CACNA1B: variants seen among roughly 807,000 people sequenced by gnomAD.
The protein encoded by CACNA1B is voltage-dependent N-type calcium channel subunit alpha-1B.
A neutral mutation model predicts 247.2 loss-of-function variants in CACNA1B; 70 were observed. That is an observed-to-expected ratio of 0.28 (90% CI 0.23 to 0.35). CACNA1B has a LOEUF of 0.35. Ranked by LOEUF, CACNA1B falls within the 10% of genes least tolerant of loss-of-function variation. The pLI is 1.00. For synonymous variants in CACNA1B, 1,231 were observed against 1,294.4 expected (o/e 0.95, Z 1.05); for missense variants, 2,367 against 3,197.4 (o/e 0.74, Z 6.26).
intron 6 of CACNA1B, among the ~76,000 whole-genome samples, chr9:137,923,589 A>G (rs543378236): frequency 3.2e-4 from 49 of 152,290 alleles, no homozygotes; most frequent in African/African-American, 1.1e-3. Flanking sequence ...GAAGCTTCCA[A>G]TTTGGGGTTA....
chr9:138,088,838 G>T (rs1390639517), intron 36 of CACNA1B, among the ~76,000 whole-genome samples: 1 of 151,020 alleles, frequency 6.6e-6, no homozygotes, highest in Non-Finnish European at 1.5e-5. Context: ...GCACGCCTGT[G>T]GTCCCAAGTA....
chr9:137,922,394 C>T (rs536058209), intron 6 of CACNA1B, among the ~76,000 whole-genome samples: 2 of 151,504 alleles, frequency 1.3e-5, no homozygotes, highest in Non-Finnish European at 2.9e-5. Context: ...CAACACCACA[C>T]CACACAGCAT....
chr9:137,928,568 TCTGGGCTTAGA>T (rs1364509800), intron 6 of CACNA1B, among the ~76,000 whole-genome samples: 1 of 152,240 alleles, frequency 6.6e-6, no homozygotes, highest in Non-Finnish European at 1.5e-5. Flanking sequence ...TGTGAAACTC[TCTGGGCTTAGA>T]AATTTCTTTT....
At chr9:138,084,609 A>T (rs1426123934) in intron 36 of CACNA1B, among the ~76,000 whole-genome samples, 1 of 151,322 alleles carries the variant, frequency 6.6e-6, no homozygotes, top group Non-Finnish European at 1.5e-5. Flanking sequence ...GGAAGAGGTG[A>T]TTTGTTTTAC....
rs1959415456 is a variant in CACNA1B at position 138,054,373 on chromosome 9, T to C, written c.3968+367T>C. ...CTGTAAGGTCAGAGGGGCTGCCCGA[T>C]GGCTGGAGCTGCTGTCACTGTCCAC... On this transcript the variant is annotated intron_variant, in intron 26 of 46. Coordinates refer to ENST00000371372, the MANE Select transcript of CACNA1B (RefSeq NM_000718.4). This position sits in a 1 kb window ranked among gnomAD's most constrained non-coding sequence, Gnocchi z 4.6. Among the ~76,000 whole-genome samples the C allele has an allele frequency of 6.6e-6, 1 of 152,222 alleles. No individual in the cohort carries two copies. Among genetic ancestry groups the C allele is most frequent in the East Asian group, 1.9e-4 (1 of 5,196 alleles).
intron 31 of CACNA1B, among the ~76,000 whole-genome samples, chr9:138,064,974 G>C (rs1398067655): frequency 6.6e-6 from 1 of 152,220 alleles, no homozygotes; most frequent in East Asian, 1.9e-4. Flanking sequence ...TTTCTAGCAT[G>C]CCTACCTCTC....
At chr9:137,953,591 A>G (rs867804685) in intron 7 of CACNA1B, among the ~76,000 whole-genome samples, 40 of 152,180 alleles carry the variant, frequency 2.6e-4, no homozygotes, top group Admixed American at 2.2e-3. Context: ...TAGAACTCCT[A>G]GCCTGGCGGG....
chr9:138,024,955 G>T lies in CACNA1B; in HGVS notation c.3069G>T (p.Arg1023=). 1 of 1,569,480 alleles carries T rather than the reference G, an allele frequency of 6.4e-7. No homozygotes were observed. Among genetic ancestry groups the T allele is most frequent in the African/African-American group, 1.4e-5 (1 of 73,966 alleles). The stretch of plus-strand genomic sequence containing the variant: ...GCCTGATGTACATTCTTGATTGCAG[G>T]GAGCCACACTGTGACCTGGAGACCA... The part of the protein sequence containing the change: ...KEKELRNHQP[R]EPHCDLETSG... The change falls in exon 20 of 47, where the codon CGG becomes CGT. Residue 1023 remains arginine (R), a splice_region_variant and synonymous_variant. Coordinates refer to ENST00000371372, the MANE Select transcript of CACNA1B (RefSeq NM_000718.4).
chr9:137,911,202 G>A (rs1307037836), intron 3 of CACNA1B, among the ~76,000 whole-genome samples: 3 of 152,010 alleles, frequency 2.0e-5, no homozygotes, highest in East Asian at 1.9e-4. Flanking sequence ...ATTCTATTCC[G>A]TTGATCTAGC....
chr9:137,879,435 C>G (rs963542058), intron 2 of CACNA1B, among the ~76,000 whole-genome samples: 2 of 152,222 alleles, frequency 1.3e-5, no homozygotes, highest in Non-Finnish European at 2.9e-5. Context: ...TCCTGGCTTT[C>G]GGCGCTAGAC....
At chr9:138,095,029 A>T (rs1214812103) in intron 36 of CACNA1B, among the ~76,000 whole-genome samples, 3 of 152,220 alleles carry the variant, frequency 2.0e-5, no homozygotes, top group African/African-American at 7.2e-5. Context: ...ATAAAGGATA[A>T]ATCTTCAGGA....
intron 44 of CACNA1B, among the ~76,000 whole-genome samples, chr9:138,119,781 CCT>C (rs1962014948): frequency 6.6e-6 from 1 of 152,264 alleles, no homozygotes; most frequent in South Asian, 2.1e-4. Context: ...CCTGGGAGGG[CCT>C]ACCCGTCCCA....
intron 32 of CACNA1B, 143 bp downstream of exon 32, chr9:138,069,906 T>C: frequency 1.4e-6 from 1 of 725,912 alleles, no homozygotes; most frequent in Middle Eastern, 2.3e-4. Flanking sequence ...ACCTCTGGCC[T>C]CCTGGACTTG....
At chr9:138,066,797 G>A (rs928785220) in intron 31 of CACNA1B, among the ~76,000 whole-genome samples, 1 of 152,066 alleles carries the variant, frequency 6.6e-6, no homozygotes, top group South Asian at 2.1e-4. Flanking sequence ...AGAAAACGGT[G>A]TAAAAATTAA....
In CACNA1B at chr9:138,058,754, A is replaced by G; in HGVS notation, c.4473+21A>G. 6.3e-7 allele frequency: 1 copy of G among 1,585,416 alleles called. No individual in the cohort carries two copies. Among genetic ancestry groups the G allele is most frequent in the Non-Finnish European group, 8.6e-7 (1 of 1,164,930 alleles). ...TGAAGGTGTGTGGGGCTCAGCGCAG[A>G]GGGGCAGCTGGCGCTGCTAGGGATT... On this transcript the variant is annotated intron_variant, in intron 29 of 46. Coordinates refer to ENST00000371372, the MANE Select transcript of CACNA1B (RefSeq NM_000718.4). The surrounding 1 kb of genome is among the most constrained non-coding windows in gnomAD (Gnocchi z 4.7).
chr9:137,930,014 C>T (rs1166401928), intron 6 of CACNA1B, among the ~76,000 whole-genome samples: 3 of 152,068 alleles, frequency 2.0e-5, no homozygotes, highest in Non-Finnish European at 4.4e-5. Flanking sequence ...CCAGACTGGT[C>T]TTGAACTCCT....
intron 36 of CACNA1B, among the ~76,000 whole-genome samples, chr9:138,090,701 CAAAAAA>C (rs1173964720): frequency 1.2e-4 from 2 of 16,594 alleles, no homozygotes; most frequent in Non-Finnish European, 1.8e-4. Context: ...AACCCATCAG[CAAAAAA>C]AAAAAAAAAA....
In CACNA1B at chr9:137,882,945, C is replaced by T. The variant is rs1956948700; in HGVS notation, c.530+62C>T. 2 of 1,541,274 alleles carry T rather than the reference C, an allele frequency of 1.3e-6. No individual in the cohort carries two copies. The highest frequency in any genetic ancestry group is 1.8e-6 in the Non-Finnish European group (2 of 1,120,802). ...GCCCGGGCGTGTGCTCTCTGAAGCT[C>T]AGTTGCGCCGTGGAGCTGGGGCAGC... is the stretch of plus-strand genomic sequence containing the variant. On this transcript the variant is annotated intron_variant, in intron 3 of 46. Coordinates refer to ENST00000371372, the MANE Select transcript of CACNA1B (RefSeq NM_000718.4). This position sits in a 1 kb window ranked among gnomAD's most constrained non-coding sequence, Gnocchi z 4.0.
chr9:138,025,770 T>C (rs1400001018), intron 20 of CACNA1B, among the ~76,000 whole-genome samples: 3 of 152,054 alleles, frequency 2.0e-5, no homozygotes, highest in Non-Finnish European at 4.4e-5. Flanking sequence ...GACCAAGATG[T>C]CATTCCTGTC....
Sources: allele counts gnomAD v4.1 joint callset (sites outside exome capture counted in the v4.1 genomes callset), GRCh38; gene constraint gnomAD v4.1.1; non-coding constraint Gnocchi (gnomAD v3.1); transcripts MANE v1.5; gene names NCBI Gene and HGNC (gene_info 2026-07-23, HGNC 2026-07-21).